Variants in AGBL4 observed in about 807,000 individuals in gnomAD.
The protein encoded by AGBL4 is AGBL carboxypeptidase 4.
AGBL4 carries 58 observed loss-of-function variants against 66.4 expected under a neutral mutation model. That is an observed-to-expected ratio of 0.87 (90% confidence interval 0.71 to 1.09). The LOEUF (loss-of-function observed/expected upper bound fraction) is 1.09. Among genes scored for constraint, AGBL4 ranks in the 50% least tolerant of loss-of-function variants. The pLI is 0.00. For missense variants in AGBL4, 579 were observed against 631.0 expected, an observed-to-expected ratio of 0.92 and a Z score of 0.88; for synonymous variants, 234 against 222.9, an observed-to-expected ratio of 1.05 and a Z score of -0.44.
chr1:49,704,800 G>A (rs1647173491), intron 2 of AGBL4, among the ~76,000 whole-genome samples: 2 of 152,040 alleles, frequency 1.3e-5, no homozygotes, highest in Non-Finnish European at 2.9e-5. Flanking sequence ...ATCTGTGTTG[G>A]TACCAGTACC....
intron 6 of AGBL4, among the ~76,000 whole-genome samples, chr1:48,822,215 C>G (rs977582293): frequency 6.6e-6 from 1 of 151,976 alleles, no homozygotes; most frequent in Non-Finnish European, 1.5e-5. Context: ...CATATATTCA[C>G]AAAAAAGACT....
intron 3 of AGBL4, among the ~76,000 whole-genome samples, chr1:49,253,401 T>C (rs1003147713): frequency 3.3e-5 from 5 of 152,060 alleles, no homozygotes; most frequent in Admixed American, 6.6e-5. Flanking sequence ...ATGTCCCCTA[T>C]GCACATAAGC....
chr1:48,561,800 C>A (rs540287004), intron 11 of AGBL4, among the ~76,000 whole-genome samples: 1 of 152,254 alleles, frequency 6.6e-6, no homozygotes, highest in South Asian at 2.1e-4. Flanking sequence ...TTGGAACTTG[C>A]GCCATCAGCT....
chr1:49,514,440 T>A (rs1649574301), intron 3 of AGBL4, among the ~76,000 whole-genome samples: 1 of 151,834 alleles, frequency 6.6e-6, no homozygotes. Flanking sequence ...AGAATCAATA[T>A]CGTGAAAATG....
chr1:49,789,837 T>C (rs1434952941), intron 2 of AGBL4, among the ~76,000 whole-genome samples: 3 of 152,136 alleles, frequency 2.0e-5, no homozygotes, highest in African/African-American at 7.2e-5. Flanking sequence ...CTACTTTACA[T>C]GTCATAAGGA....
At chr1:49,674,033 C>T (rs1186881340) in intron 3 of AGBL4, among the ~76,000 whole-genome samples, 1 of 151,932 alleles carries the variant, frequency 6.6e-6, no homozygotes, top group Non-Finnish European at 1.5e-5. Flanking sequence ...GGTACAATCC[C>T]ATGCAGAAAA....
At chr1:49,573,742 A>C (rs1208797447) in intron 3 of AGBL4, among the ~76,000 whole-genome samples, 2 of 152,230 alleles carry the variant, frequency 1.3e-5, no homozygotes, top group Non-Finnish European at 2.9e-5. Context: ...AGGTGCATGC[A>C]CAGCCTCATC....
At chr1:49,829,281 C>A (rs1645594299) in intron 2 of AGBL4, among the ~76,000 whole-genome samples, 1 of 152,190 alleles carries the variant, frequency 6.6e-6, no homozygotes, top group South Asian at 2.1e-4. Context: ...GATACGTAAG[C>A]TGAACCTTGG....
intron 6 of AGBL4, among the ~76,000 whole-genome samples, chr1:48,724,453 G>A (rs1284091068): frequency 1.3e-5 from 2 of 152,168 alleles, no homozygotes; most frequent in Non-Finnish European, 1.5e-5. Context: ...CAGCTGACCA[G>A]GTGGTTTACT....
chr1:49,762,963 C>T (rs779191379), intron 2 of AGBL4, among the ~76,000 whole-genome samples: 9 of 152,164 alleles, frequency 5.9e-5, no homozygotes, highest in Non-Finnish European at 1.2e-4. Context: ...CCCAGCCCAG[C>T]GTCATAAAGT....
At chr1:48,999,132 C>T (rs978344947) in intron 5 of AGBL4, among the ~76,000 whole-genome samples, 2 of 152,184 alleles carry the variant, frequency 1.3e-5, no homozygotes, top group Non-Finnish European at 2.9e-5. Flanking sequence ...GATAAAAGTG[C>T]TACAGTCAGG....
At chr1:49,778,092 T>A (rs950143529) in intron 2 of AGBL4, among the ~76,000 whole-genome samples, 5 of 152,148 alleles carry the variant, frequency 3.3e-5, no homozygotes, top group African/African-American at 1.2e-4. Context: ...TCCAGGCAAG[T>A]ACATCTGAGA....
chr1:48,721,449 T>C (rs1647148130), intron 6 of AGBL4, among the ~76,000 whole-genome samples: 1 of 152,214 alleles, frequency 6.6e-6, no homozygotes, highest in African/African-American at 2.4e-5. Context: ...GTTCCCTGTG[T>C]GGCTTCTCTG....
At chr1:48,653,036 G>A (rs1043067605) in intron 8 of AGBL4, among the ~76,000 whole-genome samples, 8 of 152,102 alleles carry the variant, frequency 5.3e-5, no homozygotes, top group African/African-American at 1.7e-4. Flanking sequence ...ACTGAGCCCA[G>A]AGAGGGAAAA....
intron 3 of AGBL4, among the ~76,000 whole-genome samples, chr1:49,603,002 C>T (rs1644991321): frequency 6.6e-6 from 1 of 152,066 alleles, no homozygotes. Flanking sequence ...GAATCATTAT[C>T]CCCTTTTTAT....
intron 1 of AGBL4, among the ~76,000 whole-genome samples, chr1:49,912,590 G>T (rs1274950301): frequency 6.6e-6 from 1 of 152,080 alleles, no homozygotes; most frequent in Admixed American, 6.5e-5. Flanking sequence ...TGTCTCACAG[G>T]AACTACGTGT....
intron 1 of AGBL4, among the ~76,000 whole-genome samples, chr1:49,861,823 A>G (rs1354801410): frequency 6.6e-6 from 1 of 152,224 alleles, no homozygotes. Context: ...TAGAACCACA[A>G]TGTAACTGGG....
intron 1 of AGBL4, among the ~76,000 whole-genome samples, chr1:49,908,425 G>A (rs1557568602): frequency 1.3e-5 from 2 of 152,024 alleles, no homozygotes; most frequent in Non-Finnish European, 2.9e-5. Context: ...AAAAGTACTC[G>A]GCACCCTCCT....
intron 3 of AGBL4, among the ~76,000 whole-genome samples, chr1:49,610,042 A>G (rs1645126648): frequency 6.6e-6 from 1 of 152,202 alleles, no homozygotes; most frequent in Non-Finnish European, 1.5e-5. Flanking sequence ...ACAGATTCAA[A>G]GTAACATGTA....
Sources: gnomAD v4.1 joint callset for allele counts (sites outside exome capture counted in the v4.1 genomes callset) on GRCh38, gnomAD v4.1.1 for gene constraint, MANE v1.5 for transcripts, NCBI Gene and HGNC (gene_info 2026-07-23, HGNC 2026-07-21) for gene names.